Variants in KIR3DL3 observed in about 807,000 individuals in gnomAD.
KIR3DL3 encodes the protein killer cell immunoglobulin like receptor, three Ig domains and long cytoplasmic tail 3.
A neutral mutation model predicts 34.9 loss-of-function variants in KIR3DL3; 27 were observed. That is an observed-to-expected ratio of 0.77 (90% CI 0.57 to 1.07). The LOEUF (loss-of-function observed/expected upper bound fraction) is 1.07. Among genes scored for constraint, KIR3DL3 ranks in the 50% least tolerant of loss-of-function variants. The pLI is 0.00. For synonymous variants in KIR3DL3, 217 were observed against 200.2 expected, an observed-to-expected ratio of 1.08 and a Z score of -0.71; for missense variants, 681 against 528.5, an observed-to-expected ratio of 1.29 and a Z score of -2.83.
chr19:54,729,181 G>A (rs1049784280), intron 4 of KIR3DL3, among the ~76,000 whole-genome samples: 1 of 149,824 alleles, frequency 6.7e-6, no homozygotes, highest in Non-Finnish European at 1.5e-5. Flanking sequence ...AAAGTTATGA[G>A]CAAGACAGAA....
chr19:54,730,602 C>CTT (rs1275898385), intron 5 of KIR3DL3, among the ~76,000 whole-genome samples: 1 of 147,852 alleles, frequency 6.8e-6, no homozygotes, highest in Admixed American at 6.8e-5. Context: ...AATTAGTATT[C>CTT]TTTTTTTTTT....
rs147842599 is a variant in KIR3DL3 at position 54,727,729 on chromosome 19, G to A, written c.474G>A (p.Glu158=). The A allele has an allele frequency of 7.4e-6, 12 of 1,612,952 alleles. No individual in the cohort carries two copies. The highest frequency in any genetic ancestry group is 4.4e-5 in the South Asian group (4 of 91,016). The change falls in exon 4 of 8, where the codon GAG becomes GAA. Residue 158 remains glutamate, a synonymous_variant. Transcript: ENST00000291860. ...TTGAGCGCTTCCTTCTGCACAGAGA[G>A]GGGATCACTGAGGACCCCTTGCGCC... ...VRFERFLLHR[E]GITEDPLRLV...
rs568669706 is a variant in KIR3DL3, at chr19:54,733,691, G to A, written c.950-1562G>A. 3.8e-3 allele frequency among the ~76,000 whole-genome samples: 585 copies of A among 152,220 alleles called. 5 individuals carry two copies. The highest frequency in any genetic ancestry group is 0.013 in the African/African-American group (520 of 41,526). The stretch of plus-strand genomic sequence containing the variant: ...CTTATTTGGCTTTCTGTGAGCTTGG[G>A]ATCATATGGAAAATGTGAAAGCCTC... On this transcript the variant is annotated intron_variant, in intron 5 of 7. Coordinates refer to ENST00000291860, the MANE Select transcript of KIR3DL3 (RefSeq NM_153443.5).
chr19:54,730,623 C>A (rs1396802156), intron 5 of KIR3DL3, among the ~76,000 whole-genome samples: 1 of 151,960 alleles, frequency 6.6e-6, no homozygotes, highest in Non-Finnish European at 1.5e-5. Context: ...ACCCTCCACC[C>A]TTCCCTTCCT....
Position 54,729,751 on chromosome 19 carries a change from C to A in KIR3DL3, c.914C>A (p.Ser305Ter). The change falls in exon 5 of 8, where the codon TCA (serine) becomes TAA (stop). Residue 305 changes from serine to a stop codon, truncating the protein, a stop_gained. Coordinates refer to ENST00000291860, the MANE Select transcript of KIR3DL3 (RefSeq NM_153443.5). LOFTEE classifies it high-confidence loss of function. ...TTCCGTGCCCTGCCCCATGCGTGGT[C>A]AGACCCGAGTGACCCACTGCCCGTT... ...GSFRALPHAW[S>*]DPSDPLPVSV... is the part of the protein sequence containing the mutation. 1 of 1,589,788 alleles carries A rather than the reference C, an allele frequency of 6.3e-7. No homozygotes were observed. Among genetic ancestry groups the A allele is most frequent in the Non-Finnish European group, 8.5e-7 (1 of 1,171,372 alleles).
intron 4 of KIR3DL3, among the ~76,000 whole-genome samples, chr19:54,729,025 A>C (rs2068505975): frequency 6.7e-6 from 1 of 149,000 alleles, no homozygotes; most frequent in African/African-American, 2.5e-5. Context: ...ATGATGATAG[A>C]TGGATAGATG....
chr19:54,733,155 G>A (rs2069012575), intron 5 of KIR3DL3, among the ~76,000 whole-genome samples: 1 of 152,026 alleles, frequency 6.6e-6, no homozygotes, highest in East Asian at 1.9e-4. Flanking sequence ...TCTGAGATGT[G>A]TTTTTTTTCT....
At chr19:54,725,695 C>A (rs2146746808) in intron 2 of KIR3DL3, among the ~76,000 whole-genome samples, 1 of 152,286 alleles carries the variant, frequency 6.6e-6, no homozygotes, top group African/African-American at 2.4e-5. Context: ...GGTGGGGGAA[C>A]CACAGTCATG....
At chr19:54,729,205 G>A (rs1390854252) in intron 4 of KIR3DL3, among the ~76,000 whole-genome samples, 24 of 150,824 alleles carry the variant, frequency 1.6e-4, no homozygotes, top group Non-Finnish European at 3.0e-4. Flanking sequence ...GAGAGACTCA[G>A]AATTAAAGAA....
At chr19:54,728,903 G>A (rs1366508558) in intron 4 of KIR3DL3, among the ~76,000 whole-genome samples, 1 of 149,388 alleles carries the variant, frequency 6.7e-6, no homozygotes, top group Non-Finnish European at 1.5e-5. Flanking sequence ...TAGAGAGACA[G>A]GTGATAGACA....
intron 5 of KIR3DL3, among the ~76,000 whole-genome samples, chr19:54,733,156 T>G (rs2069013198): frequency 6.6e-6 from 1 of 151,974 alleles, no homozygotes; most frequent in South Asian, 2.1e-4. Flanking sequence ...CTGAGATGTG[T>G]TTTTTTTCTA....
chr19:54,724,613 A>C, intron 1 of KIR3DL3, 83 bp downstream of exon 1: 1 of 1,591,390 alleles, frequency 6.3e-7, no homozygotes. Context: ...TGGAGTGGAG[A>C]TATGGGCCTG....
intron 5 of KIR3DL3, among the ~76,000 whole-genome samples, chr19:54,731,614 T>C (rs1214521671): frequency 6.6e-6 from 1 of 152,118 alleles, no homozygotes; most frequent in East Asian, 1.9e-4. Context: ...CTCAGAAGTA[T>C]GAACTGCATT....
chr19:54,729,386 AAGAG>A, intron 4 of KIR3DL3, 103 bp from the exon 5 acceptor site: 2 of 1,201,940 alleles, frequency 1.7e-6, no homozygotes, highest in South Asian at 3.1e-5. Flanking sequence ...GAGAGAGAGA[AAGAG>A]AGCATTAAGT....
At chr19:54,731,789 G>T (rs1377505309) in intron 5 of KIR3DL3, among the ~76,000 whole-genome samples, 1 of 151,686 alleles carries the variant, frequency 6.6e-6, no homozygotes, top group African/African-American at 2.4e-5. Flanking sequence ...GGCTGGTCAC[G>T]TCTCACATGG....
chr19:54,732,790 G>T (rs2068962774), intron 5 of KIR3DL3, among the ~76,000 whole-genome samples: 1 of 152,204 alleles, frequency 6.6e-6, no homozygotes, highest in Non-Finnish European at 1.5e-5. Context: ...TGGGGAGAAT[G>T]ACAAGACAAC....
At position 54,736,070 on chromosome 19, in the gene KIR3DL3, A is replaced by C; in HGVS notation, c.1207A>C (p.Thr403Pro). The change falls in exon 8 of 8, where the codon ACA becomes CCA. Residue 403 changes from threonine (T) to proline (P), a missense_variant. Physicochemically the swap from Thr to Pro is conservative, Grantham distance 38. Coordinates refer to ENST00000291860, the MANE Select transcript of KIR3DL3 (RefSeq NM_153443.5). ...CACTCGCCCTTCTCAGAGGCCCAAGACACCCCCAACAGATACCAGCGTGTA... is the reference window on the plus strand; with the variant it reads ...CACTCGCCCTTCTCAGAGGCCCAAGCCACCCCCAACAGATACCAGCGTGTA... ...KITRPSQRPKTPPTDTSV is the reference protein window; with the variant it reads ...KITRPSQRPKPPPTDTSV 1 of 1,613,560 alleles carries C rather than the reference A, an allele frequency of 6.2e-7. No individual in the cohort carries two copies. The highest frequency in any genetic ancestry group is 8.5e-7 in the Non-Finnish European group (1 of 1,179,936).
rs751321097 is a variant in KIR3DL3 at position 54,727,765 on chromosome 19, G to T, written c.510G>T (p.Gln170His). ...ITEDPLRLVG[Q>H]LHDAGSQVNY... ...AGGACCCCTTGCGCCTCGTTGGACA[G>T]CTCCACGATGCGGGTTCCCAGGTCA... The change falls in exon 4 of 8, where the codon CAG becomes CAT. Residue 170 changes from glutamine to histidine, a missense_variant. By Grantham distance (24) the Gln-to-His change is conservative. Transcript: ENST00000291860. The T allele has an allele frequency of 1.2e-6, 2 of 1,613,474 alleles. No individual in the cohort carries two copies. The highest frequency in any genetic ancestry group is 1.7e-5 in the Admixed American group (1 of 59,936).
chr19:54,729,520 C>G lies in KIR3DL3; in HGVS notation c.683C>G (p.Ala228Gly). ...VGLYGKPSLS[A>G]QPGPTVQAGE... is the part of the protein sequence containing the mutation. ...CTATATGGGAAACCTTCTCTCTCAG[C>G]CCAGCCGGGCCCCACGGTTCAGGCA... The change falls in exon 5 of 8, where the codon GCC becomes GGC. Residue 228 changes from alanine (A) to glycine (G), a missense_variant. Physicochemically the swap from Ala to Gly is moderately conservative, Grantham distance 60. Transcript: ENST00000291860. 1 of 1,606,316 alleles carries G rather than the reference C, an allele frequency of 6.2e-7. No individual in the cohort carries two copies. Among genetic ancestry groups the G allele is most frequent in the Non-Finnish European group, 8.5e-7 (1 of 1,178,284 alleles).
Sources: allele counts gnomAD v4.1 joint callset (sites outside exome capture counted in the v4.1 genomes callset), GRCh38; gene constraint gnomAD v4.1.1; transcripts MANE v1.5; gene names NCBI Gene and HGNC (gene_info 2026-07-23, HGNC 2026-07-21).